The following AUTS2 variants were observed in gnomAD, a reference collection of about 807,000 sequenced individuals.
AUTS2 encodes the protein activator of transcription and developmental regulator AUTS2, also known as autism susceptibility gene 2 protein.
A neutral mutation model predicts 112.4 loss-of-function variants in AUTS2; 17 were observed. The ratio of observed to expected loss-of-function variants is 0.15; its 90% CI spans 0.10 to 0.23. The LOEUF is 0.23. Ranked by LOEUF, AUTS2 falls within the 10% of genes least tolerant of loss-of-function variation. The pLI, the probability that AUTS2 is intolerant of heterozygous loss-of-function variation, is 1.00. For missense variants in AUTS2, 1,510 were observed against 1,701.6 expected (o/e 0.89, Z 1.98); for synonymous variants, 751 against 702.7 (o/e 1.07, Z -1.09).
chr7:70,011,661 T>C (rs989469614), intron 2 of AUTS2, among the ~76,000 whole-genome samples: 3 of 152,180 alleles, frequency 2.0e-5, no homozygotes, highest in Non-Finnish European at 4.4e-5. Context: ...CATGAGTCTT[T>C]TGGACTGGTG....
At position 69,851,551 on chromosome 7, in the gene AUTS2, A is replaced by C. The variant is rs1165362175; in HGVS notation, c.310-47735A>C. On this transcript the variant is annotated intron_variant, in intron 1 of 18. Transcript: ENST00000342771. ...AGGCGTAAGCCACTGCGCCTGGCCC[A>C]TATGTGAAATCTGCATATCAATTTT... Among the ~76,000 whole-genome samples, 4 of 152,212 alleles carry C rather than the reference A, an allele frequency of 2.6e-5. No individual in the cohort carries two copies. The South Asian group carries it at 8.3e-4, about 32-fold the overall frequency.
rs374536368 is a variant in AUTS2 at position 70,028,069 on chromosome 7, C to CG, written c.523-90063_523-90062insG. Reference sequence around the variant, plus strand: ...TATTCTTTCCCGCTCTGTCCGCCCCCCCCACCCTCATCTTGCTTGCACACA... The same window carrying CG: ...TATTCTTTCCCGCTCTGTCCGCCCCCGCCCACCCTCATCTTGCTTGCACACA... On this transcript the variant is annotated intron_variant, in intron 2 of 18. Transcript: ENST00000342771. 2.9e-3 allele frequency among the ~76,000 whole-genome samples: 442 copies of CG among 151,844 alleles called. 5 individuals carry two copies. The highest frequency in any genetic ancestry group is 0.01 in the African/African-American group (428 of 41,418).
rs577691717 is a variant in AUTS2, at chr7:70,220,271, C to G, written c.660+85700C>G. Among the ~76,000 whole-genome samples the G allele has an allele frequency of 1.6e-3, 242 of 152,134 alleles. 6 individuals are homozygous for G. Among genetic ancestry groups the G allele is most frequent in the African/African-American group, 5.5e-3 (228 of 41,500 alleles). The stretch of plus-strand genomic sequence containing the variant: ...TTTCAATCATTTAAAAATATAAAAG[C>G]CATTCTTAGCTCATGGGTTATACAA... On this transcript the variant is annotated intron_variant, in intron 4 of 18. Coordinates refer to ENST00000342771, the MANE Select transcript of AUTS2 (RefSeq NM_015570.4).
chr7:70,112,078 T>C (rs1019836075), intron 2 of AUTS2, among the ~76,000 whole-genome samples: 1 of 151,988 alleles, frequency 6.6e-6, no homozygotes, highest in African/African-American at 2.4e-5. Context: ...AGGCCATTTA[T>C]TTCTATTCTT....
chr7:70,784,751 A>T (rs1160668230), intron 15 of AUTS2, 191 bp from the exon 16 acceptor site: 3 of 44,106 alleles, frequency 6.8e-5, no homozygotes, highest in South Asian at 3.3e-4. Flanking sequence ...CTAAAAAAAA[A>T]AAAAAAAAAA....
At chr7:70,260,665 A>C (rs1285608135) in intron 4 of AUTS2, among the ~76,000 whole-genome samples, 1 of 152,078 alleles carries the variant, frequency 6.6e-6, no homozygotes, top group Non-Finnish European at 1.5e-5. Context: ...AAACGATAGC[A>C]TATATATAGT....
In AUTS2 at chr7:70,724,382, G is replaced by A. The variant is rs539693824; in HGVS notation, c.742+25762G>A. Reference sequence around the variant, plus strand: ...TTATAGTAAGCTTATCAAAAATCAAGGCATAGTGAGAATTAAAACATCAGT... The same window carrying A: ...TTATAGTAAGCTTATCAAAAATCAAAGCATAGTGAGAATTAAAACATCAGT... On this transcript the variant is annotated intron_variant, in intron 6 of 18. Transcript: ENST00000342771. Among the ~76,000 whole-genome samples, 10 of 151,394 alleles carry A rather than the reference G, an allele frequency of 6.6e-5. No homozygotes were observed. The South Asian group carries it at 2.1e-3, about 32-fold the overall frequency.
Position 70,764,968 on chromosome 7 carries a change from G to T in AUTS2, c.1431G>T (p.Leu477=), listed in dbSNP as rs1380366939. The change falls in exon 8 of 19, where the codon CTG becomes CTT. Residue 477 remains leucine (L), a synonymous_variant. Transcript: ENST00000342771. ...PPPPPLTSGS[L]QVAGHPAGST... ...CACCACCACTGACATCAGGAAGTCT[G>T]CAGGTGGCCGGACACCCGGCCGGGA... 1.9e-6 allele frequency: 3 copies of T among 1,612,594 alleles called. No homozygotes were observed. In the Admixed American group the frequency reaches 5.0e-5, roughly 27 times the overall value.
chr7:70,145,810 C>T (rs1054661553), intron 4 of AUTS2, among the ~76,000 whole-genome samples: 1 of 152,054 alleles, frequency 6.6e-6, no homozygotes, highest in African/African-American at 2.4e-5. Context: ...CTTTAATTTT[C>T]AAACAAAGGG....
At chr7:69,925,968 T>C (rs1374307523) in intron 2 of AUTS2, among the ~76,000 whole-genome samples, 1 of 152,200 alleles carries the variant, frequency 6.6e-6, no homozygotes, top group Admixed American at 6.5e-5. Context: ...CTGGGCAACA[T>C]AGTGAGACCT....
intron 2 of AUTS2, among the ~76,000 whole-genome samples, chr7:70,115,011 A>G (rs1805285997): frequency 6.6e-6 from 1 of 152,096 alleles, no homozygotes; most frequent in African/African-American, 2.4e-5. Flanking sequence ...GATTTTATGT[A>G]AGGCTCTCTG....
intron 5 of AUTS2, among the ~76,000 whole-genome samples, chr7:70,506,594 T>G (rs1266270802): frequency 6.6e-6 from 1 of 151,984 alleles, no homozygotes; most frequent in Non-Finnish European, 1.5e-5. Context: ...GAATAATTAT[T>G]CTCAGCTGTT....
At chr7:69,641,863 G>T (rs1187216791) in intron 1 of AUTS2, among the ~76,000 whole-genome samples, 1 of 152,206 alleles carries the variant, frequency 6.6e-6, no homozygotes, top group Non-Finnish European at 1.5e-5. Flanking sequence ...ACTAGTGATT[G>T]AGTTTGAAGC....
At chr7:69,823,780 C>CA (rs1584297661) in intron 1 of AUTS2, among the ~76,000 whole-genome samples, 1 of 151,118 alleles carries the variant, frequency 6.6e-6, no homozygotes, top group African/African-American at 2.5e-5. Context: ...GAAAAAAAAA[C>CA]AAAAAACCAG....
At chr7:70,263,459 CTT>C (rs754343205) in intron 4 of AUTS2, among the ~76,000 whole-genome samples, 3 of 152,158 alleles carry the variant, frequency 2.0e-5, no homozygotes, top group Non-Finnish European at 2.9e-5. Context: ...TTTACATAAA[CTT>C]AATCTTTTTC....
At chr7:70,485,242 A>C (rs1797938019) in intron 5 of AUTS2, among the ~76,000 whole-genome samples, 1 of 152,358 alleles carries the variant, frequency 6.6e-6, no homozygotes, top group Non-Finnish European at 1.5e-5. Context: ...AATGCCCATC[A>C]ATCAACAAGT....
Position 70,621,838 on chromosome 7 carries a change from C to CTTTTTTTTTTTT in AUTS2, c.691-76715_691-76704dup, listed in dbSNP as rs67123941. ...GCTTACGTTAGTGCATAGTCATTCT[C>CTTTTTTTTTTTT]TTTTTTTTTTTTTTTTTTTTTTTTT... On this transcript the variant is annotated intron_variant, in intron 5 of 18. Transcript: ENST00000342771. Among the ~76,000 whole-genome samples the CTTTTTTTTTTTT allele has an allele frequency of 7.5e-5, 5 of 66,788 alleles. 2 individuals are homozygous for CTTTTTTTTTTTT. In the East Asian group the frequency reaches 2.5e-3, roughly 33 times the overall value. The allele number at this position is 66,788 out of a possible 152,430, so 43.8% of individuals were successfully genotyped here.
intron 1 of AUTS2, among the ~76,000 whole-genome samples, chr7:69,629,867 A>T (rs929828371): frequency 1.3e-5 from 2 of 152,098 alleles, no homozygotes; most frequent in Non-Finnish European, 2.9e-5. Context: ...AGAAAATGGT[A>T]TGAGAAAGGG....
chr7:69,845,903 G>GA (rs1301879012), intron 1 of AUTS2, among the ~76,000 whole-genome samples: 5 of 152,184 alleles, frequency 3.3e-5, no homozygotes, highest in Non-Finnish European at 7.3e-5. Context: ...TTCTGACACT[G>GA]ACTGTGGACA....
Sources: allele counts gnomAD v4.1 joint callset (sites outside exome capture counted in the v4.1 genomes callset), GRCh38; gene constraint gnomAD v4.1.1; transcripts MANE v1.5; gene names NCBI Gene and HGNC (gene_info 2026-07-23, HGNC 2026-07-21).